The following PLEKHA7 variants were observed in gnomAD, a reference collection of about 807,000 sequenced individuals.
PLEKHA7 encodes the protein pleckstrin homology domain containing A7, also known as pleckstrin homology domain-containing family A member 7.
In PLEKHA7, 104 loss-of-function variants were observed where a neutral mutation model predicts 170.0. The observed-to-expected ratio is 0.61, with a 90% CI of 0.52 to 0.72. PLEKHA7 has a LOEUF of 0.72. Among genes scored for constraint, PLEKHA7 ranks in the 30% least tolerant of loss-of-function variants. The pLI is 0.00. For missense variants in PLEKHA7, 1,615 were observed against 1,671.7 expected (o/e 0.97, Z 0.59); for synonymous variants, 648 against 660.8 (o/e 0.98, Z 0.30).
intron 3 of PLEKHA7, among the ~76,000 whole-genome samples, chr11:16,988,719 T>C (rs2136930660): frequency 6.6e-6 from 1 of 152,354 alleles, no homozygotes; most frequent in East Asian, 1.9e-4. Context: ...GTGCTGGGAT[T>C]ATGGGCATGA....
intron 3 of PLEKHA7, among the ~76,000 whole-genome samples, chr11:16,968,298 C>T (rs1862496660): frequency 6.6e-6 from 1 of 152,186 alleles, no homozygotes; most frequent in Non-Finnish European, 1.5e-5. Flanking sequence ...GCTCTGGGCA[C>T]AGAGACTCAT....
chr11:16,963,620 C>T (rs1030301624), intron 3 of PLEKHA7, among the ~76,000 whole-genome samples: 8 of 152,116 alleles, frequency 5.3e-5, no homozygotes, highest in Admixed American at 1.3e-4. Flanking sequence ...ACTTTGTGGC[C>T]TAAATCTTGA....
chr11:16,850,975 C>T (rs1852893245), intron 8 of PLEKHA7, among the ~76,000 whole-genome samples: 1 of 152,142 alleles, frequency 6.6e-6, no homozygotes, highest in African/African-American at 2.4e-5. Flanking sequence ...GGTCTGAATA[C>T]TTGAACATGG....
chr11:16,936,797 G>T (rs1413082251), intron 3 of PLEKHA7, among the ~76,000 whole-genome samples: 1 of 152,242 alleles, frequency 6.6e-6, no homozygotes, highest in Non-Finnish European at 1.5e-5. Context: ...GGCGATATTG[G>T]AATGTAGCAG....
At chr11:16,785,161 T>C (rs548749276) in intron 24 of PLEKHA7, among the ~76,000 whole-genome samples, 16 of 152,312 alleles carry the variant, frequency 1.1e-4, no homozygotes, top group Admixed American at 1.0e-3. Flanking sequence ...GTCAGGTAGA[T>C]ACCATTGGCA....
rs397965149 is a variant in PLEKHA7, at chr11:16,974,626, G to GTTTTT, written c.221+39358_221+39362dup. ...TACAGACCTCACAGAGATTTCACAG[G>GTTTTT]TTTTTTTTTTTTTTTTTTTTGAACA... On this transcript the variant is annotated intron_variant, in intron 3 of 26. Transcript: ENST00000531066. 3.3e-4 allele frequency: 49 copies of GTTTTT among 149,710 alleles called. 2 individuals are homozygous for GTTTTT. Among genetic ancestry groups the GTTTTT allele is most frequent in the South Asian group, 9.9e-4 (8 of 8,098 alleles). 9.3% of individuals were successfully genotyped at this position (149,710 alleles called of 1,614,324 possible). A position where few individuals can be genotyped will look rare whatever the true frequency, so the allele number is the denominator to read the frequency against.
Position 16,794,911 on chromosome 11 carries a change from C to T in PLEKHA7, c.2517G>A (p.Pro839=), listed in dbSNP as rs753170827. 17 of 1,607,972 alleles carry T rather than the reference C, an allele frequency of 1.1e-5. No individual in the cohort carries two copies. Among genetic ancestry groups the T allele is most frequent in the Middle Eastern group, 3.3e-4 (2 of 6,044 alleles). The change falls in exon 18 of 27, where the codon CCG becomes CCA. Residue 839 remains proline (P), a splice_region_variant and synonymous_variant. Coordinates refer to ENST00000531066, the MANE Select transcript of PLEKHA7 (RefSeq NM_001329630.2). ...FRILVESVKN[P]ERKTVPLFPH... is the part of the protein sequence containing the mutation. ...CATCCAGGAAGATGAACATCTCACC[C>T]GGATTTTTTACTGACTCCACTAGAA...
intron 3 of PLEKHA7, among the ~76,000 whole-genome samples, chr11:17,002,340 G>A (rs1864714530): frequency 6.6e-6 from 1 of 151,896 alleles, no homozygotes; most frequent in Admixed American, 6.6e-5. Context: ...GGAGTTTGAA[G>A]TTACAGTGAG....
At chr11:16,985,432 C>T (rs994340478) in intron 3 of PLEKHA7, among the ~76,000 whole-genome samples, 1 of 150,982 alleles carries the variant, frequency 6.6e-6, no homozygotes, top group East Asian at 2.0e-4. Flanking sequence ...AAATTTACAA[C>T]AATGTGAGAG....
At position 16,889,420 on chromosome 11, in the gene PLEKHA7, A is replaced by AAAAAAAT. The variant is rs61086849; in HGVS notation, c.222-18239_222-18238insATTTTTT. Among the ~76,000 whole-genome samples, 90 of 74,660 alleles carry AAAAAAAT rather than the reference A, an allele frequency of 1.2e-3. 1 individual carries two copies. Among genetic ancestry groups the AAAAAAAT allele is most frequent in the Non-Finnish European group, 1.5e-3 (65 of 42,250 alleles). The allele number at this position is 74,660 out of a possible 152,430, so 49.0% of individuals were successfully genotyped here. ...TTGCTCAAAAAAAAAAAAAAAAAAA[A>AAAAAAAT]ATATATATATATATATATATATATA... On this transcript the variant is annotated intron_variant, in intron 3 of 26. Transcript: ENST00000531066.
At chr11:16,862,481 A>G (rs913693298) in intron 4 of PLEKHA7, among the ~76,000 whole-genome samples, 1 of 152,230 alleles carries the variant, frequency 6.6e-6, no homozygotes, top group African/African-American at 2.4e-5. Context: ...TGGAGATCTG[A>G]GCACATCCAA....
intron 3 of PLEKHA7, among the ~76,000 whole-genome samples, chr11:16,960,900 A>C (rs1862019767): frequency 6.6e-6 from 1 of 151,898 alleles, no homozygotes; most frequent in Admixed American, 6.6e-5. Flanking sequence ...CTCTCACTCC[A>C]GTTACCCACA....
chr11:16,915,892 TG>T (rs1319251480), intron 3 of PLEKHA7, among the ~76,000 whole-genome samples: 1 of 150,586 alleles, frequency 6.6e-6, no homozygotes, highest in South Asian at 2.1e-4. Context: ...ATGGGATGGC[TG>T]GGTCAAATGG....
intron 8 of PLEKHA7, among the ~76,000 whole-genome samples, chr11:16,846,472 G>A (rs1158538072): frequency 6.6e-6 from 1 of 152,112 alleles, no homozygotes; most frequent in African/African-American, 2.4e-5. Context: ...GGGTAACCCT[G>A]GGTAAATTAC....
In PLEKHA7 at chr11:16,813,526, G is replaced by A. The variant is rs77132344; in HGVS notation, c.1954-360C>T. Among the ~76,000 whole-genome samples, 1,439 of 152,278 alleles carry A rather than the reference G, an allele frequency of 9.4e-3. 15 individuals carry two copies. Among genetic ancestry groups the A allele is most frequent in the African/African-American group, 0.033 (1,368 of 41,560 alleles). ...GCATATGCCACACCTGAGCTAGAGC[G>A]CATCAGTCATCATCACTCCAATTCC... On this transcript the variant is annotated intron_variant, in intron 12 of 26. Transcript: ENST00000531066.
At chr11:16,856,902 A>C (rs1199933809) in intron 4 of PLEKHA7, among the ~76,000 whole-genome samples, 1 of 152,184 alleles carries the variant, frequency 6.6e-6, no homozygotes, top group East Asian at 1.9e-4. Flanking sequence ...TTGGAGACCA[A>C]GCAGATCACA....
At chr11:16,948,584 C>T (rs986368155) in intron 3 of PLEKHA7, among the ~76,000 whole-genome samples, 1 of 152,006 alleles carries the variant, frequency 6.6e-6, no homozygotes, top group Non-Finnish European at 1.5e-5. Flanking sequence ...TTCACACATA[C>T]ATGCACACAT....
intron 3 of PLEKHA7, among the ~76,000 whole-genome samples, chr11:17,009,831 G>A (rs1192018992): frequency 1.3e-5 from 2 of 151,868 alleles, no homozygotes; most frequent in Non-Finnish European, 2.9e-5. Flanking sequence ...GCCTCTCCGT[G>A]TTGCCCAGGC....
chr11:16,925,081 C>T (rs1859409658), intron 3 of PLEKHA7, among the ~76,000 whole-genome samples: 1 of 152,200 alleles, frequency 6.6e-6, no homozygotes, highest in Non-Finnish European at 1.5e-5. Flanking sequence ...CTTGGCGGAA[C>T]GCTTGGCGGG....
Sources: allele counts gnomAD v4.1 joint callset (sites outside exome capture counted in the v4.1 genomes callset), GRCh38; gene constraint gnomAD v4.1.1; transcripts MANE v1.5; gene names NCBI Gene and HGNC (gene_info 2026-07-23, HGNC 2026-07-21).